MYO5B: variants seen among roughly 807,000 people sequenced by gnomAD.
MYO5B encodes myosin VB, also known as unconventional myosin-Vb.
Under a neutral mutation model 229.3 loss-of-function variants are expected in MYO5B, and 143 were observed. The ratio of observed to expected loss-of-function variants is 0.62; its 90% CI spans 0.54 to 0.72. The LOEUF (loss-of-function observed/expected upper bound fraction) is 0.72, where lower values mean the gene tolerates loss of function less well. MYO5B is among the 30% of genes least tolerant of loss of function. The pLI is 0.00. For missense variants in MYO5B, 2,321 were observed against 2,331.0 expected (o/e 1.00, Z 0.09); for synonymous variants, 918 against 885.2 (o/e 1.04, Z -0.66).
intron 12 of MYO5B, among the ~76,000 whole-genome samples, chr18:49,959,289 G>A (rs1220316155): frequency 6.6e-6 from 1 of 152,198 alleles, no homozygotes. Context: ...AAAAGCAGGG[G>A]CTCAGTGCAC....
rs1390712230 is a variant in MYO5B at position 49,936,357 on chromosome 18, G to T, written c.1906-8C>A. 7.0e-6 allele frequency: 11 copies of T among 1,577,820 alleles called. No individual in the cohort carries two copies. Among genetic ancestry groups the T allele is most frequent in the Non-Finnish European group, 9.5e-6 (11 of 1,157,620 alleles). ...ATGCAGGGAGGTACGGAACTAGAGA[G>T]ACAAAAGCCAGTGCTTGGTTAGTTT... On this transcript the variant is annotated splice_region_variant and splice_polypyrimidine_tract_variant and intron_variant, in intron 15 of 39. Transcript: ENST00000285039.
chr18:49,864,514 C>G lies in MYO5B; in HGVS notation c.3604-134G>C, dbSNP rs560528491. The G allele has an allele frequency of 7.1e-6, 9 of 1,275,578 alleles. No homozygotes were observed. In the African/African-American group the frequency reaches 1.2e-4, roughly 17 times the overall value. 79.0% of individuals were successfully genotyped at this position (1,275,578 alleles called of 1,614,324 possible). Reference sequence around the variant, plus strand: ...TAAACGTTGACACACATGGAAAGTTCTGACTGCCATCAGCAAGCAGTCAAA... The same window carrying G: ...TAAACGTTGACACACATGGAAAGTTGTGACTGCCATCAGCAAGCAGTCAAA... On this transcript the variant is annotated intron_variant, in intron 27 of 39. Transcript: ENST00000285039.
At chr18:49,963,913 C>T (rs368291612) in intron 10 of MYO5B, among the ~76,000 whole-genome samples, 9 of 152,152 alleles carry the variant, frequency 5.9e-5, no homozygotes, top group Admixed American at 2.6e-4. Context: ...TCAGCCCCCT[C>T]GCAAGCCCCA....
At chr18:49,965,700 A>AG (rs1312363301) in intron 10 of MYO5B, among the ~76,000 whole-genome samples, 3 of 152,180 alleles carry the variant, frequency 2.0e-5, no homozygotes, top group African/African-American at 7.2e-5. Context: ...GAGAGTCGGT[A>AG]GGCAGAGGCA....
rs2024226005 is a variant in MYO5B, at chr18:49,853,497, C to T, written c.4173G>A (p.Val1391=). Residue 1391 remains valine, a synonymous_variant, in exon 31 of 40, where the codon GTG becomes GTA. Transcript: ENST00000285039. ...ATATTTCCTGCTGAACGCCGAATTC[C>T]ACCTGGGCCTCTGGGGAGAGCAGTA... ...QTLLLSPEAQ[V]EFGVQQEISR... is the part of the protein sequence containing the mutation. 1.2e-6 allele frequency: 2 copies of T among 1,614,084 alleles called. No homozygotes were observed.
intron 1 of MYO5B, among the ~76,000 whole-genome samples, chr18:50,146,817 C>T (rs1024058469): frequency 1.3e-5 from 2 of 152,138 alleles, no homozygotes; most frequent in South Asian, 2.1e-4. Flanking sequence ...ACGTATTTAG[C>T]GTTGTGTAGA....
At chr18:50,082,046 G>T (rs1258316701) in intron 1 of MYO5B, among the ~76,000 whole-genome samples, 1 of 152,338 alleles carries the variant, frequency 6.6e-6, no homozygotes, top group East Asian at 1.9e-4. Flanking sequence ...ATAAAAGTCA[G>T]TTCAGTGCCA....
At chr18:49,894,827 T>G (rs1175679560) in intron 22 of MYO5B, 114 bp downstream of exon 22, 3 of 899,246 alleles carry the variant, frequency 3.3e-6, no homozygotes, top group Admixed American at 1.9e-5. Flanking sequence ...TCTGTGCACA[T>G]GAGCCCAAGA....
At chr18:50,124,383 T>C (rs2032121386) in intron 1 of MYO5B, among the ~76,000 whole-genome samples, 1 of 152,216 alleles carries the variant, frequency 6.6e-6, no homozygotes, top group Non-Finnish European at 1.5e-5. Context: ...TGGTACACCT[T>C]TTCCCATGCA....
At chr18:49,865,517 C>A (rs1315690086) in intron 27 of MYO5B, among the ~76,000 whole-genome samples, 1 of 152,194 alleles carries the variant, frequency 6.6e-6, no homozygotes, top group Admixed American at 6.5e-5. Flanking sequence ...GATCTTCTGG[C>A]AGCCAAGGCC....
intron 1 of MYO5B, among the ~76,000 whole-genome samples, chr18:50,092,278 A>C (rs1277477848): frequency 6.6e-6 from 1 of 152,246 alleles, no homozygotes; most frequent in African/African-American, 2.4e-5. Flanking sequence ...CCCCAAGCTG[A>C]AATTCAGAAG....
chr18:49,845,250 C>T (rs986861171), intron 33 of MYO5B, among the ~76,000 whole-genome samples: 1 of 152,222 alleles, frequency 6.6e-6, no homozygotes, highest in Non-Finnish European at 1.5e-5. Flanking sequence ...ACTTACACCA[C>T]ATTTAATTAA....
chr18:49,833,757 A>C (rs776577250), intron 39 of MYO5B, among the ~76,000 whole-genome samples: 1 of 152,206 alleles, frequency 6.6e-6, no homozygotes, highest in Non-Finnish European at 1.5e-5. Context: ...AAAAATCCAT[A>C]TAATGGGTCC....
chr18:50,039,059 G>C (rs1036199288), intron 3 of MYO5B, among the ~76,000 whole-genome samples: 1 of 152,178 alleles, frequency 6.6e-6, no homozygotes, highest in African/African-American at 2.4e-5. Flanking sequence ...ATATAAAAGT[G>C]AAAAACCCCT....
At chr18:50,019,134 G>T (rs2026247567) in intron 4 of MYO5B, among the ~76,000 whole-genome samples, 1 of 152,168 alleles carries the variant, frequency 6.6e-6, no homozygotes. Flanking sequence ...AAACCTCATT[G>T]ACATTTGAAA....
intron 1 of MYO5B, among the ~76,000 whole-genome samples, chr18:50,115,332 A>G (rs574382455): frequency 1.9e-4 from 29 of 152,326 alleles, no homozygotes; most frequent in Admixed American, 3.3e-4. Context: ...TAATCTTCAG[A>G]AAGTGTCTAT....
chr18:49,977,112 G>C (rs2025759843), intron 9 of MYO5B, among the ~76,000 whole-genome samples: 1 of 152,132 alleles, frequency 6.6e-6, no homozygotes, highest in African/African-American at 2.4e-5. Context: ...AAACCACCCT[G>C]GGGACCGGCT....
At chr18:50,167,225 T>C (rs1189799795) in intron 1 of MYO5B, among the ~76,000 whole-genome samples, 1 of 152,240 alleles carries the variant, frequency 6.6e-6, no homozygotes, top group Non-Finnish European at 1.5e-5. Context: ...TTCTGCCTAC[T>C]AGTGTAAATT....
chr18:49,835,870 T>C (rs1039479257), intron 38 of MYO5B, among the ~76,000 whole-genome samples: 1 of 152,248 alleles, frequency 6.6e-6, no homozygotes, highest in South Asian at 2.1e-4. Flanking sequence ...GAACAGGAGA[T>C]ACTCTTTTGT....
Sources: allele counts gnomAD v4.1 joint callset (sites outside exome capture counted in the v4.1 genomes callset), GRCh38; gene constraint gnomAD v4.1.1; transcripts MANE v1.5; gene names NCBI Gene and HGNC (gene_info 2026-07-23, HGNC 2026-07-21).